GNAS: variants seen among roughly 807,000 people sequenced by gnomAD.
GNAS encodes the protein GNAS complex locus.
GNAS carries 8 observed loss-of-function variants against 54.5 expected under a neutral mutation model. The ratio of observed to expected loss-of-function variants is 0.15; its 90% CI spans 0.09 to 0.26. The LOEUF (loss-of-function observed/expected upper bound fraction) is 0.26, where lower values mean the gene tolerates loss of function less well. GNAS is among the 10% of genes least tolerant of loss of function. The pLI is 1.00. For synonymous variants in GNAS, 204 were observed against 191.4 expected (o/e 1.07, Z -0.54); for missense variants, 170 against 529.8 (o/e 0.32, Z 6.67).
intron 1 of GNAS, among the ~76,000 whole-genome samples, chr20:58,860,327 A>T (rs977131085): frequency 5.3e-4 from 80 of 150,304 alleles, no homozygotes; most frequent in South Asian, 1.3e-3. Context: ...AGGTTTTTTT[A>T]AAAGTTTTTT....
chr20:58,853,000 G>A, intron 1 of GNAS: 1 of 1,275,484 alleles, frequency 7.8e-7, no homozygotes, highest in Non-Finnish European at 9.9e-7. Context: ...CAAGGAAGAG[G>A]GGCTGGGGGG....
Position 58,841,125 on chromosome 20 carries a change from G to A in GNAS, c.43+239G>A, listed in dbSNP as rs954468866. On this transcript the variant is annotated intron_variant, in intron 1 of 12. Coordinates refer to the GNAS transcript ENST00000306090. This position sits in a 1 kb window ranked among gnomAD's most constrained non-coding sequence, Gnocchi z 5.0. ...CGGCGGGGCGCACGCCGTGCGTCCC[G>A]CTGGAGACAACCTGAGGTCTCCGAG... is the stretch of plus-strand genomic sequence containing the variant. 2.0e-5 allele frequency among the ~76,000 whole-genome samples: 3 copies of A among 152,104 alleles called. No individual in the cohort carries two copies. Among genetic ancestry groups the A allele is most frequent in the African/African-American group, 7.2e-5 (3 of 41,444 alleles).
At chr20:58,892,223 AG>A in intron 1 of GNAS, 1 of 944,912 alleles carries the variant, frequency 1.1e-6, no homozygotes, top group Non-Finnish European at 1.3e-6. Context: ...CGTGTTGGGG[AG>A]GGGGAGGGGG....
At chr20:58,875,162 T>C (rs2087722657) in intron 1 of GNAS, among the ~76,000 whole-genome samples, 1 of 152,164 alleles carries the variant, frequency 6.6e-6, no homozygotes, top group Non-Finnish European at 1.5e-5. Flanking sequence ...ATGATTGAGA[T>C]TTATAGAATT....
chr20:58,868,107 A>G (rs1345593408), intron 1 of GNAS, among the ~76,000 whole-genome samples: 2 of 144,762 alleles, frequency 1.4e-5, no homozygotes, highest in Non-Finnish European at 3.0e-5. Flanking sequence ...TGCAACCTCC[A>G]CCTCCCAGGT....
intron 1 of GNAS, chr20:58,842,557 G>A (rs2145484707): frequency 2.5e-6 from 1 of 398,592 alleles, no homozygotes; most frequent in Non-Finnish European, 4.4e-6. Context: ...TAGTAAATAC[G>A]GAGAAACTAG....
chr20:58,910,256 C>T lies in GNAS; in HGVS notation c.971-78C>T, dbSNP rs907318769. ...GGAAAAATCAGGGTTTTGAAGACTT[C>T]AGGAGCTACAGAGATGCTAGCACCC... is the stretch of plus-strand genomic sequence containing the variant. On this transcript the variant is annotated intron_variant, in intron 11 of 12. Coordinates refer to ENST00000371085, the MANE Select transcript of GNAS (RefSeq NM_000516.7). The surrounding 1 kb of genome is among the most constrained non-coding windows in gnomAD (Gnocchi z 5.8). 1.5e-5 allele frequency: 19 copies of T among 1,292,140 alleles called. No individual in the cohort carries two copies. Among genetic ancestry groups the T allele is most frequent in the South Asian group, 4.7e-5 (4 of 84,714 alleles). 80.0% of individuals were successfully genotyped at this position (1,292,140 alleles called of 1,614,324 possible).
chr20:58,842,224 G>T, intron 1 of GNAS: 1 of 398,536 alleles, frequency 2.5e-6, no homozygotes, highest in South Asian at 1.3e-4. Flanking sequence ...GTCCTGGGGG[G>T]AAAGACTGAT....
chr20:58,882,052 T>C (rs1351542345), intron 1 of GNAS, among the ~76,000 whole-genome samples: 1 of 152,190 alleles, frequency 6.6e-6, no homozygotes, highest in African/African-American at 2.4e-5. Context: ...CTCCATTTTC[T>C]TTTTTGTTTG....
intron 1 of GNAS, among the ~76,000 whole-genome samples, chr20:58,877,528 G>GT (rs1465253551): frequency 6.6e-6 from 1 of 152,186 alleles, no homozygotes; most frequent in African/African-American, 2.4e-5. Context: ...TGAAAAGGAT[G>GT]TTTTTCTTTA....
Position 58,841,673 on chromosome 20 carries a change from G to A in GNAS, c.43+787G>A. The A allele has an allele frequency of 8.5e-7, 1 of 1,169,754 alleles. No individual in the cohort carries two copies. The highest frequency in any genetic ancestry group is 1.1e-6 in the Non-Finnish European group (1 of 948,268). The allele number at this position is 1,169,754 out of a possible 1,614,324, so 72.5% of individuals were successfully genotyped here. On this transcript the variant is annotated intron_variant, in intron 1 of 12. Coordinates refer to the GNAS transcript ENST00000306090. The surrounding 1 kb of genome is among the most constrained non-coding windows in gnomAD (Gnocchi z 5.0). Reference sequence around the variant, plus strand: ...GGCGGTTAGGGGAAAGTACCTGGGGGAAAGGTAGAGGAGGTAAGGGGACCC... The same window carrying A: ...GGCGGTTAGGGGAAAGTACCTGGGGAAAAGGTAGAGGAGGTAAGGGGACCC...
chr20:58,909,674 TTTGG>T lies in GNAS; in HGVS notation c.719-7_719-4del. On this transcript the variant is annotated splice_polypyrimidine_tract_variant and splice_region_variant and intron_variant, in intron 9 of 12. Coordinates refer to ENST00000371085, the MANE Select transcript of GNAS (RefSeq NM_000516.7). The surrounding 1 kb of genome is among the most constrained non-coding windows in gnomAD (Gnocchi z 7.3). Reference sequence around the variant, plus strand: ...TGCTCACGCTCTTGGCTTTGCTCTCTTTGGTTAAGATGTGACTGCCATCATCTTC... The same window carrying T: ...TGCTCACGCTCTTGGCTTTGCTCTCTTTAAGATGTGACTGCCATCATCTTC... The T allele has an allele frequency of 6.2e-7, 1 of 1,614,182 alleles. No homozygotes were observed. Among genetic ancestry groups the T allele is most frequent in the Non-Finnish European group, 8.5e-7 (1 of 1,180,034 alleles).
intron 5 of GNAS, among the ~76,000 whole-genome samples, chr20:58,904,961 C>T (rs80009352): frequency 0.018 from 2,777 of 152,214 alleles, 97 homozygotes; most frequent in African/African-American, 0.063. Context: ...GTAAGATTCA[C>T]ATTTTCCCAG....
At chr20:58,903,310 T>A in intron 3 of GNAS, 1 of 634,818 alleles carries the variant, frequency 1.6e-6, no homozygotes. Context: ...CTAAGGCAAT[T>A]TGCTAATCTG....
chr20:58,882,535 G>T (rs927936186), intron 1 of GNAS, among the ~76,000 whole-genome samples: 1 of 152,184 alleles, frequency 6.6e-6, no homozygotes, highest in Non-Finnish European at 1.5e-5. Context: ...CAGCCGAGCT[G>T]GGCAAACAAC....
At chr20:58,846,118 A>G (rs1174616338) in intron 1 of GNAS, among the ~76,000 whole-genome samples, 1 of 152,206 alleles carries the variant, frequency 6.6e-6, no homozygotes, top group African/African-American at 2.4e-5. Context: ...ACAGAAAAAA[A>G]GGAAGATGTG....
chr20:58,899,733 GCACA>G (rs146416102), intron 3 of GNAS, among the ~76,000 whole-genome samples: 22 of 151,686 alleles, frequency 1.5e-4, no homozygotes, highest in South Asian at 8.3e-4. Flanking sequence ...CACGCGCCGC[GCACA>G]CACACACGCA....
In GNAS at chr20:58,909,662, G is replaced by A; in HGVS notation, c.719-22G>A. ...GATCAGGGTCGCTGCTCACGCTCTTGGCTTTGCTCTCTTTGGTTAAGATGT... is the reference window on the plus strand; with the variant it reads ...GATCAGGGTCGCTGCTCACGCTCTTAGCTTTGCTCTCTTTGGTTAAGATGT... On this transcript the variant is annotated intron_variant, in intron 9 of 12. Coordinates refer to ENST00000371085, the MANE Select transcript of GNAS (RefSeq NM_000516.7). This position sits in a 1 kb window ranked among gnomAD's most constrained non-coding sequence, Gnocchi z 7.3. 6.2e-7 allele frequency: 1 copy of A among 1,614,154 alleles called. No homozygotes were observed. Among genetic ancestry groups the A allele is most frequent in the Non-Finnish European group, 8.5e-7 (1 of 1,180,026 alleles).
intron 1 of GNAS, among the ~76,000 whole-genome samples, chr20:58,846,516 G>A (rs2085945598): frequency 6.6e-6 from 1 of 152,178 alleles, no homozygotes; most frequent in South Asian, 2.1e-4. Flanking sequence ...TACACTCAAA[G>A]AGAAAGATTT....
Sources: allele counts gnomAD v4.1 joint callset (sites outside exome capture counted in the v4.1 genomes callset), GRCh38; gene constraint gnomAD v4.1.1; non-coding constraint Gnocchi (gnomAD v3.1); transcripts MANE v1.5; gene names NCBI Gene and HGNC (gene_info 2026-07-23, HGNC 2026-07-21).